Variants in SLC8A1 observed in about 807,000 individuals in gnomAD.
The protein encoded by SLC8A1 is sodium/calcium exchanger 1.
A neutral mutation model predicts 68.3 loss-of-function variants in SLC8A1; 18 were observed. The ratio of observed to expected loss-of-function variants is 0.26; its 90% confidence interval spans 0.18 to 0.39. The LOEUF (loss-of-function observed/expected upper bound fraction) is 0.39. Ranked by LOEUF, SLC8A1 falls within the 10% of genes least tolerant of loss-of-function variation. The pLI, the probability that SLC8A1 is intolerant of heterozygous loss-of-function variation, is 1.00. For missense variants in SLC8A1, 985 were observed against 1,156.7 expected, an observed-to-expected ratio of 0.85 and a Z score of 2.15; for synonymous variants, 475 against 415.5, an observed-to-expected ratio of 1.14 and a Z score of -1.74.
chr2:40,212,154 C>CAG (rs567340694), intron 2 of SLC8A1, among the ~76,000 whole-genome samples: 119 of 151,838 alleles, frequency 7.8e-4, no homozygotes, highest in South Asian at 2.5e-3. Flanking sequence ...CAATATGGCC[C>CAG]AGAGAGAGAG....
At chr2:40,138,162 G>T (rs1387520400) in intron 7 of SLC8A1, among the ~76,000 whole-genome samples, 1 of 152,122 alleles carries the variant, frequency 6.6e-6, no homozygotes, top group Non-Finnish European at 1.5e-5. Flanking sequence ...TGAAGAAACT[G>T]AGGCTCAGAG....
chr2:40,237,337 C>G (rs1310083011), intron 2 of SLC8A1, among the ~76,000 whole-genome samples: 1 of 152,188 alleles, frequency 6.6e-6, no homozygotes, highest in Non-Finnish European at 1.5e-5. Flanking sequence ...CTTCCCTTCT[C>G]ACTTCATTTC....
intron 2 of SLC8A1, among the ~76,000 whole-genome samples, chr2:40,343,742 A>G (rs1008545500): frequency 1.3e-5 from 2 of 152,198 alleles, no homozygotes; most frequent in African/African-American, 4.8e-5. Flanking sequence ...GACTGAGAAA[A>G]ATATGAATGG....
intron 2 of SLC8A1, among the ~76,000 whole-genome samples, chr2:40,395,124 C>T (rs1686506375): frequency 6.6e-6 from 1 of 152,174 alleles, no homozygotes; most frequent in South Asian, 2.1e-4. Flanking sequence ...CCTTAATCTA[C>T]TTACTTCTGA....
chr2:40,315,602 T>C (rs923498819), intron 2 of SLC8A1, among the ~76,000 whole-genome samples: 3 of 151,892 alleles, frequency 2.0e-5, no homozygotes, highest in Non-Finnish European at 4.4e-5. Context: ...TGACCCCAAA[T>C]CATGATCCCT....
chr2:40,181,008 G>C (rs1030816113), intron 2 of SLC8A1, among the ~76,000 whole-genome samples: 16 of 152,068 alleles, frequency 1.1e-4, no homozygotes, highest in Non-Finnish European at 2.1e-4. Flanking sequence ...TGCCCAGGCT[G>C]GAGTGCAGTG....
At chr2:40,230,043 T>C (rs1001400658) in intron 2 of SLC8A1, among the ~76,000 whole-genome samples, 1 of 152,132 alleles carries the variant, frequency 6.6e-6, no homozygotes, top group African/African-American at 2.4e-5. Context: ...AAAGAAGAAC[T>C]GATTGGTTAC....
At chr2:40,233,298 G>A (rs1292211255) in intron 2 of SLC8A1, among the ~76,000 whole-genome samples, 1 of 152,190 alleles carries the variant, frequency 6.6e-6, no homozygotes. Flanking sequence ...ATTCTAACTG[G>A]TGTGAGATGG....
intron 1 of SLC8A1, among the ~76,000 whole-genome samples, chr2:40,461,067 T>C (rs1406181379): frequency 6.6e-6 from 1 of 152,206 alleles, no homozygotes; most frequent in African/African-American, 2.4e-5. Flanking sequence ...GGCCCAATTC[T>C]TAGCAGAATC....
At chr2:40,193,322 G>A (rs930329982) in intron 2 of SLC8A1, among the ~76,000 whole-genome samples, 5 of 152,084 alleles carry the variant, frequency 3.3e-5, no homozygotes, top group African/African-American at 1.2e-4. Flanking sequence ...AACCTTTACT[G>A]AGTATCCAAT....
chr2:40,111,532 A>T (rs1208561511), exon 8 of SLC8A1: 2 of 152,192 alleles, frequency 1.3e-5, no homozygotes, highest in Non-Finnish European at 2.9e-5. Flanking sequence ...TTACTTGTAC[A>T]TGTGGACAGA....
At chr2:40,324,864 C>T (rs2075633867) in intron 2 of SLC8A1, among the ~76,000 whole-genome samples, 1 of 152,144 alleles carries the variant, frequency 6.6e-6, no homozygotes, top group South Asian at 2.1e-4. Flanking sequence ...AGGAAAAGAA[C>T]ATCCTCTGAT....
At chr2:40,263,484 G>A (rs1311169849) in intron 2 of SLC8A1, among the ~76,000 whole-genome samples, 1 of 152,110 alleles carries the variant, frequency 6.6e-6, no homozygotes, top group Non-Finnish European at 1.5e-5. Context: ...AAAACAGCAT[G>A]GTACTGGTAC....
Position 40,391,761 on chromosome 2 carries a change from C to T in SLC8A1, c.1808+36712G>A, listed in dbSNP as rs149449855. 5.5e-3 allele frequency among the ~76,000 whole-genome samples: 831 copies of T among 152,138 alleles called. 5 individuals are homozygous for T. Among genetic ancestry groups the T allele is most frequent in the African/African-American group, 0.018 (763 of 41,534 alleles). On this transcript the variant is annotated intron_variant, in intron 2 of 7. Coordinates refer to ENST00000406785, the Ensembl canonical transcript of SLC8A1. Reference sequence around the variant, plus strand: ...GGGGCACTGAAACCAAATACCTTCACGTGTCAGATGACAAAATAAATCAGG... The same window carrying T: ...GGGGCACTGAAACCAAATACCTTCATGTGTCAGATGACAAAATAAATCAGG...
intron 1 of SLC8A1, among the ~76,000 whole-genome samples, chr2:40,433,064 T>TA (rs1487071197): frequency 6.6e-6 from 1 of 152,132 alleles, no homozygotes; most frequent in Non-Finnish European, 1.5e-5. Context: ...CCAAGACTGA[T>TA]ATAACTAACC....
At chr2:40,132,064 A>T (rs1291216463) in intron 7 of SLC8A1, among the ~76,000 whole-genome samples, 1 of 152,016 alleles carries the variant, frequency 6.6e-6, no homozygotes, top group Non-Finnish European at 1.5e-5. Flanking sequence ...CCTGACCTTG[A>T]AGAGTTTAAA....
chr2:40,457,691 C>T (rs1477560376), intron 1 of SLC8A1, among the ~76,000 whole-genome samples: 1 of 152,218 alleles, frequency 6.6e-6, no homozygotes, highest in East Asian at 1.9e-4. Flanking sequence ...AAACTGCATT[C>T]TATTTTCCCA....
intron 2 of SLC8A1, among the ~76,000 whole-genome samples, chr2:40,348,461 A>G (rs541100310): frequency 2.0e-5 from 3 of 152,318 alleles, no homozygotes; most frequent in East Asian, 3.9e-4. Context: ...CATCTAATAA[A>G]AAAGCTTTTT....
chr2:40,285,482 C>A (rs2068160827), intron 2 of SLC8A1, among the ~76,000 whole-genome samples: 1 of 152,072 alleles, frequency 6.6e-6, no homozygotes, highest in Admixed American at 6.6e-5. Context: ...CATAGTATAG[C>A]AACAATTGGT....
Sources: gnomAD v4.1 joint callset for allele counts (sites outside exome capture counted in the v4.1 genomes callset) on GRCh38, gnomAD v4.1.1 for gene constraint, MANE v1.5 for transcripts, NCBI Gene and HGNC (gene_info 2026-07-23, HGNC 2026-07-21) for gene names.